COL5A2: variants seen among roughly 807,000 people sequenced by gnomAD.
COL5A2 encodes the protein collagen alpha-2(V) chain.
Under a neutral mutation model 208.2 loss-of-function variants are expected in COL5A2, and 23 were observed. The observed-to-expected ratio is 0.11, with a 90% CI of 0.08 to 0.16. The LOEUF (loss-of-function observed/expected upper bound fraction) is 0.16, where lower values mean the gene tolerates loss of function less well. Ranked by LOEUF, COL5A2 falls within the 10% of genes least tolerant of loss-of-function variation. The probability of loss-of-function intolerance (pLI) is 1.00; values close to 1 mark genes in which losing one functional copy is unlikely to be tolerated. For missense variants in COL5A2, 1,590 were observed against 1,956.4 expected (o/e 0.81, Z 3.53); for synonymous variants, 625 against 628.5 (o/e 0.99, Z 0.08).
chr2:189,437,695 G>A, the COL5A2 span, among the ~76,000 whole-genome samples: 17 of 152,264 alleles, frequency 1.1e-4, no homozygotes, highest in Non-Finnish European at 1.3e-4. Context: ...GGATAGATAA[G>A]GATTTCAGCA....
the COL5A2 span, among the ~76,000 whole-genome samples, chr2:189,297,378 G>A: frequency 6.6e-6 from 1 of 152,014 alleles, no homozygotes; most frequent in Non-Finnish European, 1.5e-5. Context: ...TGATTTTTGT[G>A]TATGTTTTGT....
At chr2:189,194,874 G>C (rs900570938) in intron 1 of COL5A2, among the ~76,000 whole-genome samples, 6 of 152,128 alleles carry the variant, frequency 3.9e-5, no homozygotes, top group African/African-American at 9.7e-5. Flanking sequence ...TTTTGTCATT[G>C]GTTCTGTTTA....
At chr2:189,296,853 A>C in the COL5A2 span, among the ~76,000 whole-genome samples, 1 of 152,192 alleles carries the variant, frequency 6.6e-6, no homozygotes, top group East Asian at 1.9e-4. Flanking sequence ...TGCAGTTGAA[A>C]AGTAAGCAAA....
At chr2:189,273,301 G>A in the COL5A2 span, among the ~76,000 whole-genome samples, 2 of 152,014 alleles carry the variant, frequency 1.3e-5, no homozygotes, top group East Asian at 3.9e-4. Context: ...TAAGAGGAAT[G>A]AGCTATCACT....
At chr2:189,168,305 G>C (rs1456772825) in intron 1 of COL5A2, among the ~76,000 whole-genome samples, 1 of 147,776 alleles carries the variant, frequency 6.8e-6, no homozygotes, top group African/African-American at 2.5e-5. Context: ...AGTGCCCTCT[G>C]TCCTCTCAAA....
chr2:189,191,159 C>CCAAAAAAAAAAAAAAAAAAAAAAAA (rs1688919980), intron 1 of COL5A2, among the ~76,000 whole-genome samples: 3 of 19,068 alleles, frequency 1.6e-4, no homozygotes, highest in East Asian at 4.5e-3. Flanking sequence ...AAACAAAAAA[C>CCAAAAAAAAAAAAAAAAAAAAAAAA]AAACAAACAA....
At chr2:189,191,180 C>CAA (rs1287764563) in intron 1 of COL5A2, among the ~76,000 whole-genome samples, 2 of 93,882 alleles carry the variant, frequency 2.1e-5, no homozygotes, top group East Asian at 3.6e-4. Context: ...CAAAAAACAA[C>CAA]AACAAAAAAA....
At chr2:189,336,995 G>A in the COL5A2 span, among the ~76,000 whole-genome samples, 1 of 151,914 alleles carries the variant, frequency 6.6e-6, no homozygotes, top group Non-Finnish European at 1.5e-5. Flanking sequence ...ATTTTTTTCT[G>A]GCCTACTTTT....
At chr2:189,096,534 A>G (rs1686914537) in intron 6 of COL5A2, among the ~76,000 whole-genome samples, 1 of 150,320 alleles carries the variant, frequency 6.7e-6, no homozygotes, top group Admixed American at 6.7e-5. Flanking sequence ...AGGCAGGAGA[A>G]TGGCGTGAAC....
rs1205377190 is a variant in COL5A2 at position 189,035,174 on chromosome 2, T to C, written c.4114-19A>G. The C allele has an allele frequency of 6.2e-7, 1 of 1,613,562 alleles. No homozygotes were observed. The highest frequency in any genetic ancestry group is 1.3e-5 in the African/African-American group (1 of 74,902). ...AAGCGAACTAGAAAAACAAAGAGTC[T>C]TTGTCATACACAAGACTGAAGGGTT... On this transcript the variant is annotated intron_variant, in intron 52 of 53. Coordinates refer to ENST00000374866, the MANE Select transcript of COL5A2 (RefSeq NM_000393.5).
chr2:189,376,152 T>C, the COL5A2 span, among the ~76,000 whole-genome samples: 1 of 152,242 alleles, frequency 6.6e-6, no homozygotes, highest in Non-Finnish European at 1.5e-5. Flanking sequence ...TTTTAAAAAA[T>C]ACTTAAAATT....
At chr2:189,369,859 C>T in the COL5A2 span, among the ~76,000 whole-genome samples, 4 of 152,276 alleles carry the variant, frequency 2.6e-5, no homozygotes, top group South Asian at 4.1e-4. Context: ...GCAGGTCACA[C>T]GACTGAACTT....
chr2:189,179,866 G>A (rs1688751067), upstream of COL5A2: 2 of 602,444 alleles, frequency 3.3e-6, no homozygotes, highest in East Asian at 2.8e-5. Flanking sequence ...TCCAGTGTCT[G>A]CCAAGCAACG....
At chr2:189,185,668 T>C (rs533397701) in intron 1 of COL5A2, among the ~76,000 whole-genome samples, 1 of 152,148 alleles carries the variant, frequency 6.6e-6, no homozygotes, top group Non-Finnish European at 1.5e-5. Context: ...TGTAGACCTC[T>C]ATTAACATCA....
At chr2:189,165,957 T>TTTAA (rs1328582106) in intron 1 of COL5A2, among the ~76,000 whole-genome samples, 1 of 152,212 alleles carries the variant, frequency 6.6e-6, no homozygotes, top group African/African-American at 2.4e-5. Flanking sequence ...TATTTATCTA[T>TTTAA]TTATTTATTC....
chr2:189,036,823 T>A lies in COL5A2; in HGVS notation c.3926-20A>T. ...ATTCACCTATTTTTCAAAATAGAAATTTTACTAAATAAAGACAATCTCAAT... is the reference window on the plus strand; with the variant it reads ...ATTCACCTATTTTTCAAAATAGAAAATTTACTAAATAAAGACAATCTCAAT... On this transcript the variant is annotated intron_variant, in intron 51 of 53. Transcript: ENST00000374866. 1 of 1,559,044 alleles carries A rather than the reference T, an allele frequency of 6.4e-7. No individual in the cohort carries two copies. The highest frequency in any genetic ancestry group is 8.8e-7 in the Non-Finnish European group (1 of 1,135,934).
chr2:189,400,553 C>T, the COL5A2 span, among the ~76,000 whole-genome samples: 4 of 152,060 alleles, frequency 2.6e-5, no homozygotes, highest in Non-Finnish European at 5.9e-5. Context: ...ATTATAAAGT[C>T]CATGTTAACA....
At chr2:189,334,813 A>G in the COL5A2 span, among the ~76,000 whole-genome samples, 1 of 152,192 alleles carries the variant, frequency 6.6e-6, no homozygotes, top group East Asian at 1.9e-4. Flanking sequence ...AAGGGCTTGC[A>G]TTACCTGATT....
At chr2:189,422,749 G>T in the COL5A2 span, among the ~76,000 whole-genome samples, 1 of 152,102 alleles carries the variant, frequency 6.6e-6, no homozygotes, top group East Asian at 1.9e-4. Context: ...CCAAGGCCAG[G>T]CGTGGTGGCT....
Sources: gnomAD v4.1 joint callset for allele counts (sites outside exome capture counted in the v4.1 genomes callset) on GRCh38, gnomAD v4.1.1 for gene constraint, MANE v1.5 for transcripts, NCBI Gene and HGNC (gene_info 2026-07-23, HGNC 2026-07-21) for gene names.